The following FRMPD4 variants were observed in gnomAD, a reference collection of about 807,000 sequenced individuals.
FRMPD4 encodes the protein FERM and PDZ domain containing 4.
In FRMPD4, 22 loss-of-function variants were observed where a neutral mutation model predicts 94.1. The observed-to-expected ratio is 0.23, with a 90% confidence interval of 0.17 to 0.33. FRMPD4 has a LOEUF of 0.33. FRMPD4 is among the 10% of genes least tolerant of loss of function. FRMPD4 has a pLI of 1.00. For missense variants in FRMPD4, 1,111 were observed against 1,339.9 expected (o/e 0.83, Z 2.67); for synonymous variants, 631 against 548.6 (o/e 1.15, Z -2.10).
At chrX:12,605,670 G>A (rs2059125747) in intron 2 of FRMPD4, among the ~76,000 whole-genome samples, 1 of 111,067 alleles carries the variant, frequency 9.0e-6, no homozygotes, top group Non-Finnish European at 1.9e-5. Flanking sequence ...CTAGCCTTCA[G>A]ATTGTTCCTG....
At chrX:12,298,932 A>G (rs1031358824) in intron 1 of FRMPD4, among the ~76,000 whole-genome samples, 1 of 111,974 alleles carries the variant, frequency 8.9e-6, no homozygotes, top group Non-Finnish European at 1.9e-5. Flanking sequence ...CTATCCATAG[A>G]GCATGGCTGC....
intron 9 of FRMPD4, 54 bp downstream of exon 9, chrX:12,694,508 T>G: frequency 2.1e-6 from 2 of 971,314 alleles, no homozygotes; most frequent in Non-Finnish European, 2.9e-6. Context: ...AAACTAACTC[T>G]GGGGCTTTGC....
At position 12,415,982 on chromosome X, in the gene FRMPD4, C is replaced by T. The variant is rs752784032; in HGVS notation, c.42-82698C>T. ...GACAATATGAGACCTTTGGGCAGCA[C>T]ATAAGATAATTTTAAAGTGAAAGAA... On this transcript the variant is annotated intron_variant, in intron 1 of 16. Coordinates refer to ENST00000675598, the MANE Select transcript of FRMPD4 (RefSeq NM_001368397.1). Among the ~76,000 whole-genome samples, 3 of 112,300 alleles carry T rather than the reference C, an allele frequency of 2.7e-5. No homozygotes were observed. In the South Asian group the frequency reaches 1.1e-3, roughly 42 times the overall value.
At chrX:12,343,140 G>T (rs1293087314) in intron 1 of FRMPD4, among the ~76,000 whole-genome samples, 1 of 111,649 alleles carries the variant, frequency 9.0e-6, no homozygotes, top group African/African-American at 3.2e-5. Context: ...CTCCACTGGA[G>T]AGACAGTCAA....
intron 1 of FRMPD4, among the ~76,000 whole-genome samples, chrX:12,205,131 A>G (rs1313755256): frequency 9.2e-6 from 1 of 108,279 alleles, no homozygotes; most frequent in African/African-American, 3.4e-5. Flanking sequence ...GATGAAGGCG[A>G]TGATAACCCA....
At chrX:12,139,919 GT>G (rs1168025180) in intron 1 of FRMPD4, among the ~76,000 whole-genome samples, 1 of 112,072 alleles carries the variant, frequency 8.9e-6, no homozygotes, top group East Asian at 2.8e-4. Flanking sequence ...GAGGTAGACA[GT>G]TGGGTTTTTC....
intron 3 of FRMPD4, among the ~76,000 whole-genome samples, chrX:11,955,534 G>A (rs1048573247): frequency 8.2e-5 from 9 of 109,860 alleles, no homozygotes; most frequent in African/African-American, 2.7e-4. Flanking sequence ...GGCGGATCAC[G>A]AGGTCAGGAG....
intron 3 of FRMPD4, among the ~76,000 whole-genome samples, chrX:11,999,238 A>G (rs1019133511): frequency 1.8e-5 from 2 of 111,485 alleles, no homozygotes; most frequent in Non-Finnish European, 3.8e-5. Flanking sequence ...ATCCATGTCC[A>G]CAGGGCTGGC....
chrX:11,989,469 G>C (rs2147395670), intron 3 of FRMPD4, among the ~76,000 whole-genome samples: 1 of 108,261 alleles, frequency 9.2e-6, no homozygotes, highest in East Asian at 2.9e-4. Flanking sequence ...TAGAAGGATG[G>C]TTACCAGAGG....
At chrX:12,584,283 G>A (rs1459144211) in intron 2 of FRMPD4, among the ~76,000 whole-genome samples, 1 of 112,088 alleles carries the variant, frequency 8.9e-6, no homozygotes, top group Non-Finnish European at 1.9e-5. Flanking sequence ...AGTTGAGAGT[G>A]TGATTTCACT....
chrX:12,529,080 C>T (rs1232452951), intron 2 of FRMPD4, among the ~76,000 whole-genome samples: 1 of 112,585 alleles, frequency 8.9e-6, no homozygotes, highest in African/African-American at 3.2e-5. Flanking sequence ...TCCTCCACCC[C>T]AGGGTCTCTC....
chrX:12,511,271 A>T (rs1348268671), intron 2 of FRMPD4, among the ~76,000 whole-genome samples: 1 of 111,728 alleles, frequency 9.0e-6, no homozygotes, highest in Non-Finnish European at 1.9e-5. Flanking sequence ...CAAAGTGCCA[A>T]AATAAAACTC....
intron 3 of FRMPD4, among the ~76,000 whole-genome samples, chrX:11,986,170 C>A (rs1183559861): frequency 8.9e-6 from 1 of 112,393 alleles, no homozygotes; most frequent in Non-Finnish European, 1.9e-5. Context: ...TGTCATGCCA[C>A]CCCCAGCTCC....
At chrX:12,549,663 G>A (rs1358740117) in intron 2 of FRMPD4, among the ~76,000 whole-genome samples, 2 of 111,941 alleles carry the variant, frequency 1.8e-5, no homozygotes, top group African/African-American at 6.5e-5. Flanking sequence ...GATTTAATGG[G>A]CTTCATGCTG....
chrX:12,417,096 T>G (rs941096197), intron 1 of FRMPD4, among the ~76,000 whole-genome samples: 3 of 111,271 alleles, frequency 2.7e-5, no homozygotes, highest in Non-Finnish European at 5.7e-5. Flanking sequence ...GAGTGCATAC[T>G]CTAATATTTC....
At chrX:12,495,840 A>T (rs1239453525) in intron 1 of FRMPD4, among the ~76,000 whole-genome samples, 1 of 112,208 alleles carries the variant, frequency 8.9e-6, no homozygotes. Context: ...ATCCCCAGAT[A>T]TTCGGGCTCA....
chrX:12,601,906 C>T (rs1323004219), intron 2 of FRMPD4, among the ~76,000 whole-genome samples: 1 of 111,062 alleles, frequency 9.0e-6, no homozygotes, highest in African/African-American at 3.3e-5. Context: ...ACCCTTGCTT[C>T]CTCAGCCAAG....
rs1031979947 is a variant in FRMPD4 at position 11,912,058 on chromosome X, A to C, written c.95+34040A>C. ...AAGAAGGCTTTCACAGGCTACTTCA[A>C]CTGCAGGTGCTGACTTCTCCAATCC... On this transcript the variant is annotated intron_variant, in intron 3 of 18. Coordinates refer to the FRMPD4 transcript ENST00000640291. Among the ~76,000 whole-genome samples the C allele has an allele frequency of 5.3e-5, 6 of 112,170 alleles. No individual in the cohort carries two copies. In the South Asian group the frequency reaches 1.1e-3, roughly 21 times the overall value.
At chrX:12,177,885 T>G (rs2056313754) in intron 1 of FRMPD4, among the ~76,000 whole-genome samples, 1 of 111,998 alleles carries the variant, frequency 8.9e-6, no homozygotes, top group Admixed American at 9.5e-5. Context: ...GTCTATACTT[T>G]TTCTGTCCCT....
Sources: allele counts gnomAD v4.1 joint callset (sites outside exome capture counted in the v4.1 genomes callset), GRCh38; gene constraint gnomAD v4.1.1; transcripts MANE v1.5; gene names NCBI Gene and HGNC (gene_info 2026-07-23, HGNC 2026-07-21).